NUF2: variants seen among roughly 807,000 people sequenced by gnomAD.
NUF2 encodes NUF2 component of NDC80 kinetochore complex.
NUF2 carries 34 observed loss-of-function variants against 61.8 expected under a neutral mutation model. The observed-to-expected ratio is 0.55, with a 90% confidence interval of 0.42 to 0.73. The LOEUF (loss-of-function observed/expected upper bound fraction) is 0.73. Among genes scored for constraint, NUF2 ranks in the 30% least tolerant of loss-of-function variants. The pLI is 0.00. For missense variants in NUF2, 445 were observed against 539.1 expected, an observed-to-expected ratio of 0.83 and a Z score of 1.73; for synonymous variants, 172 against 181.6, an observed-to-expected ratio of 0.95 and a Z score of 0.42.
chr1:163,338,798 A>G (rs374329175), intron 7 of NUF2, among the ~76,000 whole-genome samples: 15 of 152,158 alleles, frequency 9.9e-5, no homozygotes, highest in African/African-American at 3.4e-4. Context: ...AACAAAACCC[A>G]TGTAATATTC....
At chr1:163,327,584 A>C (rs1221528819) in intron 3 of NUF2, 22 bp downstream of exon 3, 1 of 1,481,408 alleles carries the variant, frequency 6.8e-7, no homozygotes, top group Admixed American at 1.7e-5. Context: ...ATGAGGCAAA[A>C]TTATGGGGTT....
At chr1:163,350,172 G>A (rs1001037481) in intron 13 of NUF2, among the ~76,000 whole-genome samples, 4 of 151,830 alleles carry the variant, frequency 2.6e-5, no homozygotes, top group South Asian at 4.2e-4. Flanking sequence ...CGTGGTGGTG[G>A]GTGCCTGTAG....
Position 163,340,439 on chromosome 1 carries a change from T to C in NUF2, c.669+13T>C. The C allele has an allele frequency of 6.3e-7, 1 of 1,593,142 alleles. No individual in the cohort carries two copies. On this transcript the variant is annotated intron_variant, in intron 9 of 13. Transcript: ENST00000271452. The stretch of plus-strand genomic sequence containing the variant: ...AACCAAGCGTTTGGTAAACATCTTT[T>C]CTTTTCACTAGCATTTAAAGTTTGA...
chr1:163,353,729 C>G (rs567756589), intron 13 of NUF2, among the ~76,000 whole-genome samples: 1 of 152,240 alleles, frequency 6.6e-6, no homozygotes, highest in Admixed American at 6.5e-5. Context: ...TAGTATTTGT[C>G]AGGGATACGA....
chr1:163,353,354 G>A (rs1044539431), intron 13 of NUF2, among the ~76,000 whole-genome samples: 3 of 152,162 alleles, frequency 2.0e-5, no homozygotes, highest in Admixed American at 2.0e-4. Context: ...TTTGAAAAGT[G>A]AGATAGTTAT....
At chr1:163,337,336 A>G (rs1037676698) in intron 6 of NUF2, among the ~76,000 whole-genome samples, 1 of 151,928 alleles carries the variant, frequency 6.6e-6, no homozygotes, top group Non-Finnish European at 1.5e-5. Flanking sequence ...TTCATCAACA[A>G]CTTAAAGAAC....
intron 11 of NUF2, among the ~76,000 whole-genome samples, chr1:163,347,234 TCTTAA>T (rs1651164119): frequency 1.3e-5 from 2 of 152,212 alleles, no homozygotes; most frequent in South Asian, 2.1e-4. Context: ...CTTTTTTGCT[TCTTAA>T]CTTGATCATC....
intron 10 of NUF2, among the ~76,000 whole-genome samples, chr1:163,345,387 ATAAAC>A (rs1341062592): frequency 6.6e-6 from 1 of 152,218 alleles, no homozygotes; most frequent in Non-Finnish European, 1.5e-5. Context: ...TATTAGCAAA[ATAAAC>A]TATTTTAATA....
chr1:163,340,416 C>T lies in NUF2; in HGVS notation c.659C>T (p.Thr220Ile). 2 of 1,609,436 alleles carry T rather than the reference C, an allele frequency of 1.2e-6. No homozygotes were observed. Among genetic ancestry groups the T allele is most frequent in the Middle Eastern group, 1.7e-4 (1 of 6,028 alleles). ...SQKKSNISEK[T>I]KRLNELKLSV... ...AAGAAGTCAAATATTTCAGAGAAAA[C>T]CAAGCGTTTGGTAAACATCTTTTCT... is the stretch of plus-strand genomic sequence containing the variant. The change falls in exon 9 of 14, where the codon ACC becomes ATC. Residue 220 changes from threonine to isoleucine, a missense_variant. By Grantham distance (89) the Thr-to-Ile change is moderately conservative. Transcript: ENST00000271452.
In NUF2 at chr1:163,332,657, T is replaced by C. The variant is rs536878497; in HGVS notation, c.337+3750T>C. Among the ~76,000 whole-genome samples the C allele has an allele frequency of 5.9e-5, 9 of 152,286 alleles. No individual in the cohort carries two copies. The South Asian group carries it at 1.7e-3, about 28-fold the overall frequency. On this transcript the variant is annotated intron_variant, in intron 5 of 13. Transcript: ENST00000271452. ...TGTCTTTGAAGCCAGCAGTGTAGCATATTTAAATCTGTTTCTACTTTCATG... is the reference window on the plus strand; with the variant it reads ...TGTCTTTGAAGCCAGCAGTGTAGCACATTTAAATCTGTTTCTACTTTCATG...
chr1:163,346,055 G>A, intron 11 of NUF2: 4 of 293,834 alleles, frequency 1.4e-5, no homozygotes, highest in Non-Finnish European at 2.5e-5. Context: ...TCACATTGCT[G>A]TGTATATTTT....
At chr1:163,327,314 A>G (rs536301071) in intron 2 of NUF2, among the ~76,000 whole-genome samples, 174 bp from the exon 3 acceptor site, 44 of 152,184 alleles carry the variant, frequency 2.9e-4, no homozygotes, top group Non-Finnish European at 6.0e-4. Flanking sequence ...CAAACTAAGC[A>G]TCATAAGGTG....
intron 5 of NUF2, among the ~76,000 whole-genome samples, chr1:163,335,032 C>A (rs776934767): frequency 3.5e-4 from 53 of 152,242 alleles, no homozygotes; most frequent in Non-Finnish European, 6.3e-4. Flanking sequence ...CGGCTTACTG[C>A]AACCTCCGCC....
intron 11 of NUF2, 95 bp downstream of exon 11, chr1:163,345,913 G>A: frequency 1.2e-6 from 1 of 826,274 alleles, no homozygotes; most frequent in Non-Finnish European, 1.9e-6. Context: ...TTTTCCTAAA[G>A]AAAAACAGGG....
At chr1:163,328,489 G>T (rs1222823027) in intron 4 of NUF2, 185 bp downstream of exon 4, 22 of 503,396 alleles carry the variant, frequency 4.4e-5, no homozygotes, top group Non-Finnish European at 7.0e-5. Flanking sequence ...CTCCAACTGT[G>T]CCACTTTCTC....
intron 3 of NUF2, 144 bp from the exon 4 acceptor site, chr1:163,328,084 T>C (rs1650484464): frequency 4.0e-6 from 2 of 502,510 alleles, no homozygotes; most frequent in Non-Finnish European, 7.0e-6. Context: ...TTAATAATGA[T>C]GAAAACTCTG....
At chr1:163,345,465 G>A (rs1383333970) in intron 10 of NUF2, among the ~76,000 whole-genome samples, 1 of 151,938 alleles carries the variant, frequency 6.6e-6, no homozygotes, top group Non-Finnish European at 1.5e-5. Context: ...CTTTTCCTTT[G>A]TTTGAAGATA....
rs775241650 is a variant in NUF2 at position 163,348,963 on chromosome 1, A to T, written c.1143A>T (p.Gln381His). Reference protein sequence around the residue: ...RTVIEDCNKVQEKRGAVYERV... With the variant: ...RTVIEDCNKVHEKRGAVYERV... Reference sequence around the variant, plus strand: ...CTTTCAGGGATTGCAATAAAGTTCAAGAAAAAAGAGGTGCTGTCTATGAAC... The same window carrying T: ...CTTTCAGGGATTGCAATAAAGTTCATGAAAAAAGAGGTGCTGTCTATGAAC... The change falls in exon 13 of 14, where the codon CAA becomes CAT. Residue 381 changes from glutamine to histidine, a missense_variant. Physicochemically the swap from Gln to His is conservative, Grantham distance 24. Transcript: ENST00000271452. 3 of 1,604,072 alleles carry T rather than the reference A, an allele frequency of 1.9e-6. No homozygotes were observed. Among genetic ancestry groups the T allele is most frequent in the African/African-American group, 2.7e-5 (2 of 74,200 alleles).
intron 5 of NUF2, among the ~76,000 whole-genome samples, chr1:163,335,808 T>C (rs574490233): frequency 6.6e-6 from 1 of 152,330 alleles, no homozygotes; most frequent in East Asian, 1.9e-4. Flanking sequence ...GACTTTATTT[T>C]AGATAACTTC....
Sources: allele counts gnomAD v4.1 joint callset (sites outside exome capture counted in the v4.1 genomes callset), GRCh38; gene constraint gnomAD v4.1.1; transcripts MANE v1.5; gene names NCBI Gene and HGNC (gene_info 2026-07-23, HGNC 2026-07-21).